PTK2: variants seen among roughly 807,000 people sequenced by gnomAD.
PTK2 encodes the protein protein tyrosine kinase 2.
A neutral mutation model predicts 150.1 loss-of-function variants in PTK2; 45 were observed. The ratio of observed to expected loss-of-function variants is 0.30; its 90% confidence interval spans 0.24 to 0.38. The LOEUF (loss-of-function observed/expected upper bound fraction) is 0.38, where lower values mean the gene tolerates loss of function less well. Ranked by LOEUF, PTK2 falls within the 10% of genes least tolerant of loss-of-function variation. The pLI is 1.00. For synonymous variants in PTK2, 432 were observed against 449.2 expected (o/e 0.96, Z 0.48); for missense variants, 919 against 1,307.3 (o/e 0.70, Z 4.58).
In PTK2 at chr8:140,701,028, A is replaced by G; in HGVS notation, c.2368-6T>C. 6.2e-7 allele frequency: 1 copy of G among 1,613,018 alleles called. No individual in the cohort carries two copies. The highest frequency in any genetic ancestry group is 8.5e-7 in the Non-Finnish European group (1 of 1,179,442). ...AGGTCCAATACTGTAGAGTCCTGGA[A>G]GAAGGGTTGAAAACAGCATATTCAG... On this transcript the variant is annotated splice_region_variant and splice_polypyrimidine_tract_variant and intron_variant, in intron 25 of 31. Coordinates refer to ENST00000522684, the Ensembl canonical transcript of PTK2.
At chr8:140,834,442 A>G (rs2100117452) in intron 7 of PTK2, among the ~76,000 whole-genome samples, 1 of 152,204 alleles carries the variant, frequency 6.6e-6, no homozygotes, top group African/African-American at 2.4e-5. Context: ...TTGTATATAC[A>G]TAGCAGAGGG....
intron 7 of PTK2, among the ~76,000 whole-genome samples, chr8:140,842,464 G>A (rs1265952714): frequency 1.3e-5 from 2 of 151,912 alleles, no homozygotes; most frequent in African/African-American, 4.8e-5. Flanking sequence ...GAGGTATTAA[G>A]CTCTTGACAT....
At chr8:140,963,823 T>C (rs1172160216) in intron 1 of PTK2, among the ~76,000 whole-genome samples, 2 of 152,028 alleles carry the variant, frequency 1.3e-5, no homozygotes, top group South Asian at 2.1e-4. Context: ...CCATTCCAAA[T>C]AGAATATTCC....
intron 29 of PTK2, among the ~76,000 whole-genome samples, chr8:140,672,822 T>C (rs1364914086): frequency 6.6e-6 from 1 of 152,224 alleles, no homozygotes; most frequent in Non-Finnish European, 1.5e-5. Flanking sequence ...GAGTCAAGTA[T>C]GTGCTCAGCC....
At chr8:140,857,140 C>T (rs796197750) in intron 5 of PTK2, among the ~76,000 whole-genome samples, 4 of 152,314 alleles carry the variant, frequency 2.6e-5, no homozygotes, top group African/African-American at 7.2e-5. Context: ...AGCTTGTTGA[C>T]GCCAGTTTAA....
chr8:140,745,286 G>C (rs891910696), intron 18 of PTK2, among the ~76,000 whole-genome samples: 4 of 152,096 alleles, frequency 2.6e-5, no homozygotes, highest in Non-Finnish European at 4.4e-5. Context: ...AGTCATGTTG[G>C]GTATTTATCA....
intron 22 of PTK2, chr8:140,734,928 A>G: frequency 4.6e-6 from 2 of 434,376 alleles, no homozygotes; most frequent in Admixed American, 6.4e-5. Flanking sequence ...GGAGACAGAG[A>G]TGGAGGGTTG....
chr8:140,785,314 A>G (rs1237452665), intron 14 of PTK2, among the ~76,000 whole-genome samples: 3 of 152,220 alleles, frequency 2.0e-5, no homozygotes, highest in Non-Finnish European at 4.4e-5. Flanking sequence ...TTTATTTAAA[A>G]ACAATTACAA....
At chr8:140,879,411 T>A in intron 4 of PTK2, 60 bp downstream of exon 4, 3 of 1,482,034 alleles carry the variant, frequency 2.0e-6, no homozygotes, top group Non-Finnish European at 2.7e-6. Flanking sequence ...ATCTTGTGCA[T>A]GTTTTTAAAA....
intron 13 of PTK2, among the ~76,000 whole-genome samples, chr8:140,792,958 A>G (rs1442671876): frequency 6.6e-6 from 1 of 152,228 alleles, no homozygotes; most frequent in Non-Finnish European, 1.5e-5. Context: ...GTAGATCAAC[A>G]TGCCCACTAT....
chr8:140,841,455 ATC>A (rs2100122317), intron 7 of PTK2, among the ~76,000 whole-genome samples: 1 of 152,178 alleles, frequency 6.6e-6, no homozygotes, highest in Admixed American at 6.5e-5. Context: ...TATTTTTAAA[ATC>A]CACACATTTG....
intron 22 of PTK2, among the ~76,000 whole-genome samples, chr8:140,728,009 A>T (rs2100046950): frequency 6.6e-6 from 1 of 152,174 alleles, no homozygotes; most frequent in Non-Finnish European, 1.5e-5. Flanking sequence ...CAGCCTGGCC[A>T]ACATGGCGAA....
intron 1 of PTK2, among the ~76,000 whole-genome samples, chr8:140,966,335 G>A (rs2100185292): frequency 1.3e-5 from 2 of 152,108 alleles, no homozygotes; most frequent in Non-Finnish European, 1.5e-5. Flanking sequence ...TCTGATAACC[G>A]CTTTTTGCTT....
chr8:140,717,649 T>C, exon 23 of PTK2: 1 of 1,614,074 alleles, frequency 6.2e-7, no homozygotes, highest in Non-Finnish European at 8.5e-7. Flanking sequence ...CTGTGGCCTG[T>C]CTTCTGGACT....
chr8:140,949,842 C>T (rs1014475734), intron 1 of PTK2, among the ~76,000 whole-genome samples: 9 of 152,210 alleles, frequency 5.9e-5, no homozygotes, highest in East Asian at 1.9e-4. Flanking sequence ...CCTTGAAGCC[C>T]GGGAGCCAGG....
chr8:140,945,905 C>A (rs1457781439), intron 1 of PTK2, among the ~76,000 whole-genome samples: 1 of 152,176 alleles, frequency 6.6e-6, no homozygotes, highest in Non-Finnish European at 1.5e-5. Context: ...AAGAAGACAT[C>A]ATCTCCATTC....
intron 2 of PTK2, among the ~76,000 whole-genome samples, chr8:140,903,040 A>T (rs2100159406): frequency 7.1e-6 from 1 of 140,578 alleles, no homozygotes; most frequent in Non-Finnish European, 1.5e-5. Context: ...TGTTTTAGTC[A>T]TGAAGTCTTT....
intron 2 of PTK2, among the ~76,000 whole-genome samples, chr8:140,919,547 C>T (rs1212737165): frequency 1.3e-5 from 2 of 152,012 alleles, no homozygotes; most frequent in African/African-American, 2.4e-5. Flanking sequence ...ATCATCAGTG[C>T]TAACACAATG....
chr8:140,914,749 C>T (rs975585192), intron 2 of PTK2, among the ~76,000 whole-genome samples: 8 of 152,044 alleles, frequency 5.3e-5, no homozygotes. Flanking sequence ...AAGTAAGAGT[C>T]TACCAGCCAG....
Sources: allele counts gnomAD v4.1 joint callset (sites outside exome capture counted in the v4.1 genomes callset), GRCh38; gene constraint gnomAD v4.1.1; transcripts MANE v1.5; gene names NCBI Gene and HGNC (gene_info 2026-07-23, HGNC 2026-07-21).